SORCS3: variants seen among roughly 807,000 people sequenced by gnomAD.
SORCS3 encodes the protein VPS10 domain-containing receptor SorCS3.
In SORCS3, 57 loss-of-function variants were observed where a neutral mutation model predicts 146.3. The ratio of observed to expected loss-of-function variants is 0.39; its 90% CI spans 0.31 to 0.49. The LOEUF (loss-of-function observed/expected upper bound fraction) is 0.49, where lower values mean the gene tolerates loss of function less well. SORCS3 is among the 20% of genes least tolerant of loss of function. The pLI is 0.92. For missense variants in SORCS3, 1,341 were observed against 1,575.5 expected, an observed-to-expected ratio of 0.85 and a Z score of 2.52; for synonymous variants, 653 against 618.5, an observed-to-expected ratio of 1.06 and a Z score of -0.83.
chr10:104,813,818 T>A (rs896897801), intron 1 of SORCS3, among the ~76,000 whole-genome samples: 3 of 151,926 alleles, frequency 2.0e-5, no homozygotes, highest in South Asian at 2.1e-4. Flanking sequence ...AAAAAAAAAA[T>A]TTCTTCCACC....
At chr10:104,990,219 A>T (rs767397536) in intron 4 of SORCS3, among the ~76,000 whole-genome samples, 2 of 152,174 alleles carry the variant, frequency 1.3e-5, no homozygotes, top group Non-Finnish European at 2.9e-5. Context: ...ATGTGTGGTA[A>T]CTCTGAGACA....
intron 14 of SORCS3, among the ~76,000 whole-genome samples, chr10:105,189,641 T>A (rs1489368242): frequency 6.6e-6 from 1 of 152,116 alleles, no homozygotes; most frequent in Non-Finnish European, 1.5e-5. Context: ...ACACCATGAC[T>A]CTGCAAGCTG....
At chr10:105,187,166 T>G (rs2056482364) in intron 14 of SORCS3, among the ~76,000 whole-genome samples, 1 of 152,152 alleles carries the variant, frequency 6.6e-6, no homozygotes, top group African/African-American at 2.4e-5. Flanking sequence ...TCCTTTTGCT[T>G]CTTCTCTCCC....
At chr10:104,691,965 A>G (rs576545478) in intron 1 of SORCS3, among the ~76,000 whole-genome samples, 1 of 152,000 alleles carries the variant, frequency 6.6e-6, no homozygotes, top group South Asian at 2.1e-4. Context: ...ATTTCCTTTT[A>G]TACTTTACCT....
intron 4 of SORCS3, among the ~76,000 whole-genome samples, chr10:104,981,867 A>G (rs2054933538): frequency 6.6e-6 from 1 of 152,164 alleles, no homozygotes; most frequent in South Asian, 2.1e-4. Context: ...TCTTGGCAAA[A>G]TGAAACTTTA....
At chr10:105,098,188 T>A (rs1342989478) in intron 6 of SORCS3, among the ~76,000 whole-genome samples, 1 of 152,136 alleles carries the variant, frequency 6.6e-6, no homozygotes, top group East Asian at 1.9e-4. Context: ...CTCTAGCAGC[T>A]CTTTAAGACT....
chr10:104,689,244 C>T (rs1471708385), intron 1 of SORCS3, among the ~76,000 whole-genome samples: 3 of 152,220 alleles, frequency 2.0e-5, no homozygotes, highest in African/African-American at 4.8e-5. Flanking sequence ...TCTCTCCTGA[C>T]TCAGCAAGAT....
intron 1 of SORCS3, among the ~76,000 whole-genome samples, chr10:104,661,672 TATAGATAG>T (rs112598598): frequency 1.6e-3 from 247 of 151,676 alleles, no homozygotes; most frequent in Non-Finnish European, 1.5e-3. Flanking sequence ...GATTTGGGAA[TATAGATAG>T]ATAGATAGAT....
At chr10:104,898,844 C>T (rs192135956) in intron 2 of SORCS3, among the ~76,000 whole-genome samples, 2 of 152,262 alleles carry the variant, frequency 1.3e-5, no homozygotes, top group Admixed American at 6.5e-5. Context: ...CCCCCATCAC[C>T]CTGCTGGCTC....
chr10:104,777,931 G>T (rs2017328394), intron 1 of SORCS3, among the ~76,000 whole-genome samples: 1 of 152,118 alleles, frequency 6.6e-6, no homozygotes, highest in Admixed American at 6.5e-5. Context: ...ATCTCATAGA[G>T]GTAGAGAGTG....
Position 105,217,911 on chromosome 10 carries a change from C to T in SORCS3, c.2734+789C>T, listed in dbSNP as rs562513319. 7 of 453,996 alleles carry T rather than the reference C, an allele frequency of 1.5e-5. No individual in the cohort carries two copies. In the East Asian group the frequency reaches 2.1e-4, roughly 14 times the overall value. 28.1% of individuals were successfully genotyped at this position (453,996 alleles called of 1,614,324 possible). Reference sequence around the variant, plus strand: ...TTCCCACATGTGTATCAGTGATATTCGTGGGTCTAAGGACTTCCATGGTTC... The same window carrying T: ...TTCCCACATGTGTATCAGTGATATTTGTGGGTCTAAGGACTTCCATGGTTC... On this transcript the variant is annotated intron_variant, in intron 19 of 26. Coordinates refer to ENST00000369701, the MANE Select transcript of SORCS3 (RefSeq NM_014978.3).
In SORCS3 at chr10:104,641,763, T is replaced by G; in HGVS notation, c.436T>G (p.Trp146Gly). ...PPITQERGDA[W>G]ATAPADGSRG... Reference sequence around the variant, plus strand: ...AATCACCCAGGAACGCGGGGACGCCTGGGCCACTGCTCCGGCCGATGGTTC... The same window carrying G: ...AATCACCCAGGAACGCGGGGACGCCGGGGCCACTGCTCCGGCCGATGGTTC... The change falls in exon 1 of 27, where the codon TGG (tryptophan) becomes GGG (glycine). Residue 146 changes from tryptophan (W) to glycine (G), a missense_variant. Physicochemically the swap from Trp to Gly is radical, Grantham distance 184. Transcript: ENST00000369701. The surrounding 1 kb of genome is among the most constrained non-coding windows in gnomAD (Gnocchi z 6.4). 1 of 1,547,014 alleles carries G rather than the reference T, an allele frequency of 6.5e-7. No individual in the cohort carries two copies. Among genetic ancestry groups the G allele is most frequent in the Non-Finnish European group, 8.7e-7 (1 of 1,146,138 alleles).
chr10:105,149,045 T>C (rs1271148397), intron 9 of SORCS3, among the ~76,000 whole-genome samples: 1 of 152,126 alleles, frequency 6.6e-6, no homozygotes, highest in African/African-American at 2.4e-5. Context: ...CCTGCCACTA[T>C]GTAAGACATA....
chr10:104,864,533 G>T (rs943003429), intron 2 of SORCS3, among the ~76,000 whole-genome samples: 1 of 152,166 alleles, frequency 6.6e-6, no homozygotes, highest in African/African-American at 2.4e-5. Flanking sequence ...TGTCCATAGG[G>T]TCTCACTGGG....
chr10:104,932,602 C>T (rs541046194), intron 3 of SORCS3, among the ~76,000 whole-genome samples: 8 of 152,326 alleles, frequency 5.3e-5, no homozygotes, highest in South Asian at 4.1e-4. Context: ...GTTCTGTCTA[C>T]GTTGTGTGAT....
intron 2 of SORCS3, among the ~76,000 whole-genome samples, chr10:104,858,624 CTTTT>C (rs775216095): frequency 7.1e-6 from 1 of 141,506 alleles, no homozygotes. Context: ...GAGAAGTGTA[CTTTT>C]TTTTTTTTTT....
At chr10:104,832,285 A>G (rs894592323) in intron 1 of SORCS3, among the ~76,000 whole-genome samples, 1 of 152,218 alleles carries the variant, frequency 6.6e-6, no homozygotes, top group African/African-American at 2.4e-5. Flanking sequence ...TGTCCTCATT[A>G]TAAAACATCA....
intron 20 of SORCS3, among the ~76,000 whole-genome samples, chr10:105,225,923 C>T (rs545620675): frequency 6.6e-6 from 1 of 152,008 alleles, no homozygotes; most frequent in South Asian, 2.1e-4. Context: ...TTGTATTCCG[C>T]AACTTTACTG....
At chr10:104,682,255 C>T (rs1003363588) in intron 1 of SORCS3, among the ~76,000 whole-genome samples, 13 of 152,232 alleles carry the variant, frequency 8.5e-5, no homozygotes, top group Non-Finnish European at 1.9e-4. Context: ...GAGCATCTCA[C>T]CTGGCACACC....
Sources: gnomAD v4.1 joint callset for allele counts (sites outside exome capture counted in the v4.1 genomes callset) on GRCh38, gnomAD v4.1.1 for gene constraint, Gnocchi (gnomAD v3.1) non-coding constraint, MANE v1.5 for transcripts, NCBI Gene and HGNC (gene_info 2026-07-23, HGNC 2026-07-21) for gene names.